The following CADM2 variants were observed in gnomAD, a reference collection of about 807,000 sequenced individuals.
The protein encoded by CADM2 is cell adhesion molecule 2, also known as immunoglobulin superfamily member 4D.
Under a neutral mutation model 49.8 loss-of-function variants are expected in CADM2, and 12 were observed. The observed-to-expected ratio is 0.24, with a 90% CI of 0.15 to 0.39. CADM2 has a LOEUF of 0.39. Ranked by LOEUF, CADM2 falls within the 10% of genes least tolerant of loss-of-function variation. The pLI, the probability that CADM2 is intolerant of heterozygous loss-of-function variation, is 1.00. For missense variants in CADM2, 378 were observed against 492.3 expected (o/e 0.77, Z 2.20); for synonymous variants, 214 against 175.4 (o/e 1.22, Z -1.74).
intron 3 of CADM2, among the ~76,000 whole-genome samples, chr3:85,823,297 C>T (rs2073705909): frequency 6.6e-6 from 1 of 152,040 alleles, no homozygotes; most frequent in Non-Finnish European, 1.5e-5. Flanking sequence ...GCTAAGAACC[C>T]TGATATTTAG....
rs1436579595 is a variant in CADM2 at position 85,619,751 on chromosome 3, C to T, written c.62-106771C>T. On this transcript the variant is annotated intron_variant, in intron 1 of 9. Transcript: ENST00000383699. ...GGAGACTCTTAAAATTATTTTTGTC[C>T]CACAGAAAAAGGTTTAGGCATTTTT... Among the ~76,000 whole-genome samples, 3 of 151,946 alleles carry T rather than the reference C, an allele frequency of 2.0e-5. No homozygotes were observed. In the East Asian group the frequency reaches 5.8e-4, roughly 29 times the overall value.
chr3:85,032,241 T>C (rs1237121373), intron 1 of CADM2, among the ~76,000 whole-genome samples: 1 of 151,448 alleles, frequency 6.6e-6, no homozygotes, highest in Non-Finnish European at 1.5e-5. Context: ...TTGAGTTGCA[T>C]AAATTGGAAA....
chr3:85,972,469 G>A (rs1726275879), intron 8 of CADM2, among the ~76,000 whole-genome samples: 1 of 151,638 alleles, frequency 6.6e-6, no homozygotes, highest in Non-Finnish European at 1.5e-5. Context: ...GAGGACATTA[G>A]TGACATAAAG....
At chr3:85,733,161 C>A (rs2068003697) in intron 2 of CADM2, among the ~76,000 whole-genome samples, 1 of 152,156 alleles carries the variant, frequency 6.6e-6, no homozygotes, top group Non-Finnish European at 1.5e-5. Flanking sequence ...CTTATGTTAA[C>A]CTCACTTATT....
chr3:85,006,336 G>A (rs1334575908), intron 1 of CADM2, among the ~76,000 whole-genome samples: 1 of 152,126 alleles, frequency 6.6e-6, no homozygotes, highest in Non-Finnish European at 1.5e-5. Context: ...CACAACCTTA[G>A]ATCACATTCA....
chr3:85,600,268 A>G (rs115282974), intron 1 of CADM2, among the ~76,000 whole-genome samples: 2,722 of 152,050 alleles, frequency 0.018, 32 homozygotes, highest in Non-Finnish European at 0.026. Context: ...TCATAGATTA[A>G]TAGGCTTTTT....
chr3:85,649,906 G>A (rs188542256), intron 1 of CADM2, among the ~76,000 whole-genome samples: 8 of 152,240 alleles, frequency 5.3e-5, no homozygotes, highest in African/African-American at 1.9e-4. Flanking sequence ...GAAGTGTGTG[G>A]AAGAGGATTA....
intron 3 of CADM2, among the ~76,000 whole-genome samples, chr3:85,854,716 A>G (rs1281974104): frequency 6.6e-6 from 1 of 152,098 alleles, no homozygotes; most frequent in African/African-American, 2.4e-5. Context: ...CATATATAGC[A>G]TGTGTATACC....
chr3:85,282,395 G>A (rs916653889), intron 1 of CADM2, among the ~76,000 whole-genome samples: 1 of 149,122 alleles, frequency 6.7e-6, no homozygotes, highest in Non-Finnish European at 1.5e-5. Flanking sequence ...CCGAGTAGCT[G>A]GGACTACAGG....
At chr3:85,885,885 TAA>T (rs1400096016) in intron 4 of CADM2, among the ~76,000 whole-genome samples, 1 of 150,872 alleles carries the variant, frequency 6.6e-6, no homozygotes, top group Non-Finnish European at 1.5e-5. Context: ...CAATTTAATT[TAA>T]AAAACTACTT....
At chr3:85,688,242 G>T (rs1390423006) in intron 1 of CADM2, among the ~76,000 whole-genome samples, 1 of 151,262 alleles carries the variant, frequency 6.6e-6, no homozygotes, top group Non-Finnish European at 1.5e-5. Flanking sequence ...ATATAATAAA[G>T]AATATTCAAA....
chr3:84,996,197 G>A (rs1361755868), intron 1 of CADM2, among the ~76,000 whole-genome samples: 1 of 152,082 alleles, frequency 6.6e-6, no homozygotes, highest in African/African-American at 2.4e-5. Flanking sequence ...TTTTAAAAGG[G>A]AAGCAGCTTT....
chr3:85,108,618 A>T (rs935535645), intron 1 of CADM2, among the ~76,000 whole-genome samples: 9 of 152,110 alleles, frequency 5.9e-5, no homozygotes, highest in Non-Finnish European at 8.8e-5. Context: ...ATATGAATAT[A>T]CTTAATGCCA....
intron 1 of CADM2, among the ~76,000 whole-genome samples, chr3:85,698,122 A>G (rs1051320135): frequency 8.5e-5 from 13 of 152,206 alleles, no homozygotes; most frequent in Non-Finnish European, 1.6e-4. Context: ...ATTTTACTAT[A>G]CCTCAAGATT....
intron 1 of CADM2, among the ~76,000 whole-genome samples, chr3:85,591,087 A>G (rs1226984836): frequency 6.6e-6 from 1 of 151,954 alleles, no homozygotes; most frequent in Non-Finnish European, 1.5e-5. Context: ...TTTCAGTGTA[A>G]GTGACTTTCC....
intron 1 of CADM2, among the ~76,000 whole-genome samples, chr3:85,558,499 A>T (rs913162724): frequency 1.3e-5 from 2 of 152,088 alleles, no homozygotes; most frequent in African/African-American, 4.8e-5. Flanking sequence ...AGACATATTT[A>T]TGCAATATAT....
chr3:86,061,995 G>T (rs1025438543), intron 8 of CADM2, among the ~76,000 whole-genome samples: 34 of 149,712 alleles, frequency 2.3e-4, no homozygotes, highest in African/African-American at 6.1e-4. Context: ...GTGGGGGGGG[G>T]GTTGAATTTG....
At chr3:84,999,395 A>G (rs566270254) in intron 1 of CADM2, among the ~76,000 whole-genome samples, 1 of 152,264 alleles carries the variant, frequency 6.6e-6, no homozygotes, top group African/African-American at 2.4e-5. Context: ...ACTCATGCCG[A>G]CAGAGGTGTA....
At chr3:85,976,571 A>C (rs1050394859) in intron 8 of CADM2, among the ~76,000 whole-genome samples, 1 of 151,660 alleles carries the variant, frequency 6.6e-6, no homozygotes, top group Non-Finnish European at 1.5e-5. Context: ...CCTCAAAATT[A>C]TTAGAAAAGC....
Sources: gnomAD v4.1 joint callset for allele counts (sites outside exome capture counted in the v4.1 genomes callset) on GRCh38, gnomAD v4.1.1 for gene constraint, MANE v1.5 for transcripts, NCBI Gene and HGNC (gene_info 2026-07-23, HGNC 2026-07-21) for gene names.